KDM4D: variants seen among roughly 807,000 people sequenced by gnomAD.
KDM4D encodes the protein lysine-specific demethylase 4D.
For synonymous variants in KDM4D, 254 were observed against 249.1 expected (o/e 1.02, Z -0.19); for missense variants, 427 against 674.8 (o/e 0.63, Z 4.07).
chr11:94,997,281 A>T lies in KDM4D; in HGVS notation c.-92A>T. ...TGGTAGATCCTGCTACCTCATAGAT[A>T]ACACCAGTCAAATTTTTTTTTAAAG... On this transcript the variant is annotated 5_prime_UTR_variant, in exon 3 of 3. Transcript: ENST00000335080. 1.0e-6 allele frequency: 1 copy of T among 980,322 alleles called. No individual in the cohort carries two copies. Among genetic ancestry groups the T allele is most frequent in the Non-Finnish European group, 1.5e-6 (1 of 678,244 alleles). The allele number at this position is 980,322 out of a possible 1,614,324, so 60.7% of individuals were successfully genotyped here. A position where few individuals can be genotyped will look rare whatever the true frequency, so the allele number is the denominator to read the frequency against.
rs1206124085 is a variant in KDM4D at position 94,975,768 on chromosome 11, A to G, written c.-350+20A>G. ...TGCTGAGTAAGTATTTGTTGAATGA[A>G]TGAATGAATGAATGATGCACTATGA... On this transcript the variant is annotated intron_variant, in intron 2 of 2. Coordinates refer to ENST00000335080, the MANE Select transcript of KDM4D (RefSeq NM_018039.3). 3 of 152,146 alleles carry G rather than the reference A, an allele frequency of 2.0e-5. No homozygotes were observed. The highest frequency in any genetic ancestry group is 4.8e-5 in the African/African-American group (2 of 41,424). The allele number at this position is 152,146 out of a possible 1,614,324, so 9.4% of individuals were successfully genotyped here.
intron 2 of KDM4D, among the ~76,000 whole-genome samples, chr11:94,985,730 G>A (rs1565418238): frequency 1.3e-5 from 2 of 152,114 alleles, no homozygotes; most frequent in Non-Finnish European, 2.9e-5. Flanking sequence ...AGGATAAACG[G>A]TTCAATGGAA....
intron 2 of KDM4D, among the ~76,000 whole-genome samples, chr11:94,990,057 C>A (rs1555098500): frequency 1.3e-5 from 2 of 152,170 alleles, no homozygotes; most frequent in African/African-American, 2.4e-5. Context: ...CCATGCCCAG[C>A]CTTACCTTCC....
chr11:94,991,154 G>A (rs1264905517), intron 2 of KDM4D, among the ~76,000 whole-genome samples: 1 of 152,156 alleles, frequency 6.6e-6, no homozygotes, highest in African/African-American at 2.4e-5. Context: ...CATTGAATAT[G>A]ACCAGCTCTA....
intron 2 of KDM4D, among the ~76,000 whole-genome samples, chr11:94,992,167 A>G (rs1555098765): frequency 1.3e-5 from 2 of 152,062 alleles, no homozygotes; most frequent in African/African-American, 4.8e-5. Context: ...CTTTCTAAAC[A>G]TGAAAAACAT....
intron 2 of KDM4D, among the ~76,000 whole-genome samples, chr11:94,996,070 C>T (rs1448895113): frequency 1.3e-5 from 2 of 152,136 alleles, no homozygotes; most frequent in African/African-American, 2.4e-5. Flanking sequence ...TTGTTAGTTC[C>T]GTACCTTTCC....
rs781785317 is a variant in KDM4D at position 94,998,558 on chromosome 11, C to T, written c.1186C>T (p.Arg396Trp). The T allele has an allele frequency of 9.9e-6, 16 of 1,613,320 alleles. No individual in the cohort carries two copies. In the African/African-American group the frequency reaches 1.1e-4, roughly 11 times the overall value. The part of the protein sequence containing the change: ...PWPMAARSGT[R>W]CHTLVCSSLP... ...GCCTATGGCTGCCCGCAGTGGGACACGGTGCCACACCCTTGTGTGCTCTTC... is the reference window on the plus strand; with the variant it reads ...GCCTATGGCTGCCCGCAGTGGGACATGGTGCCACACCCTTGTGTGCTCTTC... The change falls in exon 3 of 3, where the codon CGG becomes TGG. Residue 396 changes from arginine (R) to tryptophan (W), a missense_variant. Coordinates refer to ENST00000335080, the MANE Select transcript of KDM4D (RefSeq NM_018039.3). This position sits in a 1 kb window ranked among gnomAD's most constrained non-coding sequence, Gnocchi z 6.7.
chr11:94,990,182 C>T (rs947001504), intron 2 of KDM4D, among the ~76,000 whole-genome samples: 1 of 152,216 alleles, frequency 6.6e-6, no homozygotes, highest in African/African-American at 2.4e-5. Context: ...TCCCTTAAGG[C>T]AAGTGCCCAT....
chr11:94,989,912 C>T (rs1301200958), intron 2 of KDM4D, among the ~76,000 whole-genome samples: 1 of 152,072 alleles, frequency 6.6e-6, no homozygotes, highest in Non-Finnish European at 1.5e-5. Flanking sequence ...CAGGCCACCA[C>T]CACGTCCAGC....
intron 2 of KDM4D, among the ~76,000 whole-genome samples, chr11:94,981,749 G>A (rs1239507604): frequency 1.3e-5 from 2 of 151,530 alleles, no homozygotes; most frequent in Non-Finnish European, 3.0e-5. Flanking sequence ...ATTTTCACCA[G>A]TCTTTTAAAT....
rs140999853 is a variant in KDM4D at position 94,980,477 on chromosome 11, C to T, written c.-350+4729C>T. ...TTTAATTGTGATAATATTTAATTTA[C>T]AGATTAAGAAAACATTCTTAAAAAT... On this transcript the variant is annotated intron_variant, in intron 2 of 2. Coordinates refer to ENST00000335080, the MANE Select transcript of KDM4D (RefSeq NM_018039.3). 9.9e-3 allele frequency among the ~76,000 whole-genome samples: 1,512 copies of T among 152,214 alleles called. 14 individuals carry two copies. Among genetic ancestry groups the T allele is most frequent in the South Asian group, 0.045 (217 of 4,828 alleles).
At chr11:94,980,558 C>T (rs11020993) in intron 2 of KDM4D, among the ~76,000 whole-genome samples, 6,554 of 152,138 alleles carry the variant, frequency 0.043, 198 homozygotes, top group Non-Finnish European at 0.064. Context: ...TTATATTTTT[C>T]CATTTGTTTA....
intron 2 of KDM4D, among the ~76,000 whole-genome samples, chr11:94,993,385 A>G (rs1486359683): frequency 6.6e-6 from 1 of 152,188 alleles, no homozygotes; most frequent in Admixed American, 6.5e-5. Context: ...ACTGGTAGCT[A>G]TGGTTCCAGT....
intron 2 of KDM4D, among the ~76,000 whole-genome samples, chr11:94,988,376 A>G (rs1445714912): frequency 6.6e-6 from 1 of 152,076 alleles, no homozygotes; most frequent in Non-Finnish European, 1.5e-5. Context: ...TTTTCGGTAA[A>G]CCTCCAACTT....
chr11:94,998,271 G>A lies in KDM4D; in HGVS notation c.899G>A (p.Trp300Ter). The A allele has an allele frequency of 1.2e-6, 2 of 1,614,244 alleles. No homozygotes were observed. Among genetic ancestry groups the A allele is most frequent in the Non-Finnish European group, 1.7e-6 (2 of 1,180,044 alleles). ...GCCATCAATTTTGCCACTCCGCGATGGATTGATTATGGCAAAATGGCCTCC... is the reference window on the plus strand; with the variant it reads ...GCCATCAATTTTGCCACTCCGCGATAGATTGATTATGGCAAAATGGCCTCC... ...AEAINFATPR[W>*]IDYGKMASQC... is the part of the protein sequence containing the mutation. Residue 300 changes from tryptophan to a stop codon, truncating the protein, a stop_gained, in exon 3 of 3, where the codon TGG (tryptophan) becomes TAG (stop). Transcript: ENST00000335080. LOFTEE classifies it low-confidence loss of function (END_TRUNC). This position sits in a 1 kb window ranked among gnomAD's most constrained non-coding sequence, Gnocchi z 6.7.
chr11:94,977,667 T>C (rs587761682), intron 2 of KDM4D, among the ~76,000 whole-genome samples: 1 of 152,234 alleles, frequency 6.6e-6, no homozygotes, highest in Admixed American at 6.5e-5. Context: ...TTTAAAATTA[T>C]ATTATATATA....
At chr11:94,985,471 C>G (rs1263508021) in intron 2 of KDM4D, among the ~76,000 whole-genome samples, 1 of 152,064 alleles carries the variant, frequency 6.6e-6, no homozygotes, top group African/African-American at 2.4e-5. Flanking sequence ...GTCAATGGAT[C>G]AGAAAACTTA....
rs782029358 is a variant in KDM4D, at chr11:94,997,669, G to T, written c.297G>T (p.Gly99=). 6.2e-7 allele frequency: 1 copy of T among 1,614,224 alleles called. No homozygotes were observed. The highest frequency in any genetic ancestry group is 1.1e-5 in the South Asian group (1 of 91,084). The change falls in exon 3 of 3, where the codon GGG becomes GGT. Residue 99 remains glycine, a synonymous_variant. Transcript: ENST00000335080. The part of the protein sequence containing the change: ...YHKKKKAMTV[G]EYRHLANSKK... ...AAAAAAAGAAAGCCATGACTGTGGG[G>T]GAGTATCGCCATTTGGCAAACAGTA...
At chr11:94,994,792 GA>G (rs1555099044) in intron 2 of KDM4D, among the ~76,000 whole-genome samples, 1 of 151,448 alleles carries the variant, frequency 6.6e-6, no homozygotes, top group African/African-American at 2.4e-5. Context: ...TTGGGTGGGA[GA>G]GAGAGAGAGA....
Sources: gnomAD v4.1 joint callset for allele counts (sites outside exome capture counted in the v4.1 genomes callset) on GRCh38, gnomAD v4.1.1 for gene constraint, Gnocchi (gnomAD v3.1) non-coding constraint, MANE v1.5 for transcripts, NCBI Gene and HGNC (gene_info 2026-07-23, HGNC 2026-07-21) for gene names.